Variants in SMAD6 observed in about 807,000 individuals in gnomAD.
The protein encoded by SMAD6 is SMAD family member 6, also known as MAD homolog 6.
Under a neutral mutation model 39.4 loss-of-function variants are expected in SMAD6, and 103 were observed. The observed-to-expected ratio is 2.62, with a 90% CI of 2.23 to 3.08. The LOEUF (loss-of-function observed/expected upper bound fraction) is 3.08. Among genes scored for constraint, SMAD6 ranks in the 30% most tolerant of loss-of-function variants. SMAD6 has a pLI of 0.00. For missense variants in SMAD6, 1,104 were observed against 742.9 expected (o/e 1.49, Z -5.65); for synonymous variants, 445 against 353.3 (o/e 1.26, Z -2.91).
At chr15:66,731,138 C>A (rs981965268) in intron 3 of SMAD6, among the ~76,000 whole-genome samples, 1 of 152,260 alleles carries the variant, frequency 6.6e-6, no homozygotes, top group African/African-American at 2.4e-5. Context: ...TTCTATTACC[C>A]TTAAAAGTTC....
Position 66,781,156 on chromosome 15 carries a change from T to TCAAC in SMAD6, c.1114_1117dup (p.Leu373GlnfsTer193). On this transcript the variant is annotated frameshift_variant, in exon 4 of 4. Coordinates refer to ENST00000288840, the MANE Select transcript of SMAD6 (RefSeq NM_005585.5). LOFTEE classifies it high-confidence loss of function. ...GGCAGCGGCTTCTGCCTGGGCCAGC[T>TCAAC]CAACCTGGAGCAGCGCAGCGAGTCG... The TCAAC allele has an allele frequency of 6.2e-7, 1 of 1,608,254 alleles. No individual in the cohort carries two copies. The highest frequency in any genetic ancestry group is 8.5e-7 in the Non-Finnish European group (1 of 1,179,744).
chr15:66,725,604 A>G (rs928000427), intron 3 of SMAD6, among the ~76,000 whole-genome samples: 1 of 152,182 alleles, frequency 6.6e-6, no homozygotes, highest in African/African-American at 2.4e-5. Flanking sequence ...CAGAGCAGGG[A>G]GAAGCTGGGC....
At chr15:66,763,225 A>G (rs961053068) in intron 3 of SMAD6, among the ~76,000 whole-genome samples, 1 of 152,122 alleles carries the variant, frequency 6.6e-6, no homozygotes, top group African/African-American at 2.4e-5. Flanking sequence ...GCCCAAGGTC[A>G]GCATGCCACT....
chr15:66,726,131 T>TG (rs2140618673), intron 3 of SMAD6, among the ~76,000 whole-genome samples: 1 of 152,230 alleles, frequency 6.6e-6, no homozygotes, highest in East Asian at 1.9e-4. Flanking sequence ...GCCCCTTCTC[T>TG]GCACCTGCCC....
rs367644533 is a variant in SMAD6, at chr15:66,745,495, C to G, written c.952+28997C>G. 2.0e-5 allele frequency among the ~76,000 whole-genome samples: 3 copies of G among 152,316 alleles called. No individual in the cohort carries two copies. The South Asian group carries it at 6.2e-4, about 32-fold the overall frequency. Reference sequence around the variant, plus strand: ...CTTCTACTCCTTTCCCTAAACTCCCCTTCCCCACGGGTCAAGGGGAAAAGG... The same window carrying G: ...CTTCTACTCCTTTCCCTAAACTCCCGTTCCCCACGGGTCAAGGGGAAAAGG... On this transcript the variant is annotated intron_variant, in intron 3 of 3. Coordinates refer to ENST00000288840, the MANE Select transcript of SMAD6 (RefSeq NM_005585.5).
intron 3 of SMAD6, among the ~76,000 whole-genome samples, chr15:66,768,934 G>A (rs903373128): frequency 1.3e-5 from 2 of 152,206 alleles, no homozygotes; most frequent in Non-Finnish European, 2.9e-5. Flanking sequence ...GAATTGGATG[G>A]AGACACGTAC....
intron 3 of SMAD6, among the ~76,000 whole-genome samples, chr15:66,776,815 T>G (rs1400676015): frequency 6.6e-6 from 1 of 152,216 alleles, no homozygotes; most frequent in Admixed American, 6.5e-5. Flanking sequence ...CTCATGCCTG[T>G]AATTCCAACA....
intron 3 of SMAD6, among the ~76,000 whole-genome samples, chr15:66,744,529 T>G (rs1208518487): frequency 6.6e-6 from 1 of 152,242 alleles, no homozygotes; most frequent in African/African-American, 2.4e-5. Flanking sequence ...CAGGGCCACG[T>G]GGACTAGACG....
chr15:66,713,516 T>C (rs1893270963), intron 2 of SMAD6, among the ~76,000 whole-genome samples: 5 of 152,098 alleles, frequency 3.3e-5, no homozygotes, highest in Admixed American at 6.5e-5. Context: ...GATGGAGTTT[T>C]ACCATATTGG....
rs965370133 is a variant in SMAD6 at position 66,702,752 on chromosome 15, TATCAACA to T, written c.-505_-499del. On this transcript the variant is annotated 5_prime_UTR_variant, in exon 1 of 4. It removes the in-frame stop codon of an upstream open reading frame in the 5' UTR. Transcript: ENST00000288840. ...CAGGGAGTAAGAAGGGAGCTGGGGG[TATCAACA>T]AGCCTGCCTTTCGGATCCTGCGGGA... 3.3e-5 allele frequency: 5 copies of T among 151,898 alleles called. No homozygotes were observed. Among genetic ancestry groups the T allele is most frequent in the African/African-American group, 9.7e-5 (4 of 41,094 alleles). 9.4% of individuals were successfully genotyped at this position (151,898 alleles called of 1,614,324 possible). A position where few individuals can be genotyped will look rare whatever the true frequency, so the allele number is the denominator to read the frequency against.
At chr15:66,749,325 G>A (rs1269443118) in intron 3 of SMAD6, among the ~76,000 whole-genome samples, 3 of 152,184 alleles carry the variant, frequency 2.0e-5, no homozygotes, top group Non-Finnish European at 4.4e-5. Flanking sequence ...AGGCATGGTG[G>A]TGGGTGCCTG....
intron 3 of SMAD6, among the ~76,000 whole-genome samples, chr15:66,735,048 C>T (rs1466633665): frequency 2.0e-5 from 3 of 152,226 alleles, no homozygotes; most frequent in Non-Finnish European, 4.4e-5. Context: ...ATAGCCACGG[C>T]CAGCTCGGCC....
At chr15:66,718,428 C>G (rs527869611) in intron 3 of SMAD6, among the ~76,000 whole-genome samples, 1 of 152,294 alleles carries the variant, frequency 6.6e-6, no homozygotes, top group African/African-American at 2.4e-5. Context: ...AAGGTCCCTG[C>G]TACTCATGAC....
At chr15:66,742,768 G>C (rs1893837658) in intron 3 of SMAD6, among the ~76,000 whole-genome samples, 1 of 152,162 alleles carries the variant, frequency 6.6e-6, no homozygotes, top group African/African-American at 2.4e-5. Flanking sequence ...CAGGCCCCGA[G>C]CTGTCCTTAA....
At position 66,703,433 on chromosome 15, in the gene SMAD6, G is replaced by A; in HGVS notation, c.175G>A (p.Glu59Lys). The A allele has an allele frequency of 1.5e-6, 2 of 1,292,830 alleles. No homozygotes were observed. Among genetic ancestry groups the A allele is most frequent in the Non-Finnish European group, 2.0e-6 (2 of 1,017,406 alleles). The allele number at this position is 1,292,830 out of a possible 1,614,324, so 80.1% of individuals were successfully genotyped here. A position where few individuals can be genotyped will look rare whatever the true frequency, so the allele number is the denominator to read the frequency against. ...AREGGGCGRS[E>K]VRPVAPRRPR... ...AGAGGGCGGAGGCTGCGGCCGCTCCGAAGTCCGCCCGGTAGCCCCGCGGCG... is the reference window on the plus strand; with the variant it reads ...AGAGGGCGGAGGCTGCGGCCGCTCCAAAGTCCGCCCGGTAGCCCCGCGGCG... Residue 59 changes from glutamate to lysine, a missense_variant, in exon 1 of 4, where the codon GAA becomes AAA. By Grantham distance (56) the Glu-to-Lys change is moderately conservative. Coordinates refer to ENST00000288840, the MANE Select transcript of SMAD6 (RefSeq NM_005585.5).
chr15:66,704,126 C>T lies in SMAD6; in HGVS notation c.817+51C>T, dbSNP rs370737371. Reference sequence around the variant, plus strand: ...GGCCCCGGGTCCCCGTCCCCATCCCCTTCCGTGCCCTTCTCTCTGTGACAC... The same window carrying T: ...GGCCCCGGGTCCCCGTCCCCATCCCTTTCCGTGCCCTTCTCTCTGTGACAC... On this transcript the variant is annotated intron_variant, in intron 1 of 3. Coordinates refer to ENST00000288840, the MANE Select transcript of SMAD6 (RefSeq NM_005585.5). The T allele has an allele frequency of 9.8e-5, 126 of 1,290,360 alleles. 1 individual carries two copies. The East Asian group carries it at 2.5e-3, about 26-fold the overall frequency. The allele number at this position is 1,290,360 out of a possible 1,614,324, so 79.9% of individuals were successfully genotyped here.
intron 1 of SMAD6, chr15:66,708,146 CCT>C (rs1402960117): frequency 5.2e-5 from 8 of 152,426 alleles, no homozygotes; most frequent in Non-Finnish European, 8.8e-5. Context: ...TTTCTGTCTC[CCT>C]CTCTTTTCTT....
chr15:66,716,639 G>A, intron 3 of SMAD6, 141 bp downstream of exon 3: 1 of 710,264 alleles, frequency 1.4e-6, no homozygotes, highest in South Asian at 1.7e-5. Flanking sequence ...TGGGAAGGTT[G>A]CCAATGTTTC....
intron 3 of SMAD6, among the ~76,000 whole-genome samples, chr15:66,739,302 G>C (rs1355839990): frequency 6.6e-6 from 1 of 152,062 alleles, no homozygotes; most frequent in African/African-American, 2.4e-5. Flanking sequence ...TGTTGGCCAG[G>C]CTGATCTAGA....
Sources: gnomAD v4.1 joint callset for allele counts (sites outside exome capture counted in the v4.1 genomes callset) on GRCh38, gnomAD v4.1.1 for gene constraint, MANE v1.5 for transcripts, NCBI Gene and HGNC (gene_info 2026-07-23, HGNC 2026-07-21) for gene names.